KRT80: variants seen among roughly 807,000 people sequenced by gnomAD.
KRT80 encodes the protein keratin, type II cytoskeletal 80.
A neutral mutation model predicts 51.5 loss-of-function variants in KRT80; 36 were observed. The ratio of observed to expected loss-of-function variants is 0.70; its 90% CI spans 0.54 to 0.92. KRT80 has a LOEUF of 0.92. KRT80 is among the 40% of genes least tolerant of loss of function. The pLI, the probability that KRT80 is intolerant of heterozygous loss-of-function variation, is 0.00. For synonymous variants in KRT80, 235 were observed against 248.3 expected, an observed-to-expected ratio of 0.95 and a Z score of 0.50; for missense variants, 566 against 591.7, an observed-to-expected ratio of 0.96 and a Z score of 0.45.
intron 4 of KRT80, among the ~76,000 whole-genome samples, chr12:52,178,952 T>G (rs2120898513): frequency 6.6e-6 from 1 of 152,146 alleles, no homozygotes; most frequent in South Asian, 2.1e-4. Flanking sequence ...GCCTGGCTAC[T>G]GGGGCAGGGG....
rs1159662912 is a variant in KRT80 at position 52,171,118 on chromosome 12, C to G, written c.*280G>C. On this transcript the variant is annotated 3_prime_UTR_variant, in exon 9 of 9. Transcript: ENST00000394815. The stretch of plus-strand genomic sequence containing the variant: ...CGAGGAGGTGGAGACAAAACTGACC[C>G]CTAATTCCGACTCACCCATCAGGAA... 6 of 281,470 alleles carry G rather than the reference C, an allele frequency of 2.1e-5. No individual in the cohort carries two copies. Among genetic ancestry groups the G allele is most frequent in the Non-Finnish European group, 3.3e-5 (5 of 151,058 alleles). 17.4% of individuals were successfully genotyped at this position (281,470 alleles called of 1,614,324 possible). A position where few individuals can be genotyped will look rare whatever the true frequency, so the allele number is the denominator to read the frequency against.
chr12:52,187,526 C>A (rs970431966), intron 1 of KRT80, among the ~76,000 whole-genome samples: 2 of 152,156 alleles, frequency 1.3e-5, no homozygotes, highest in Non-Finnish European at 2.9e-5. Flanking sequence ...TCAGGGTGTC[C>A]TTGTTTTTCC....
chr12:52,171,721 T>C lies in KRT80; in HGVS notation c.1179-8A>G. ...GCTGAGGGCGAGTCCATCCTGGGGG[T>C]GGGGGACGGGGGGGTGGGAGAGGGA... On this transcript the variant is annotated splice_polypyrimidine_tract_variant and splice_region_variant and intron_variant, in intron 7 of 8. Transcript: ENST00000394815. The C allele has an allele frequency of 1.1e-5, 1 of 89,676 alleles. No individual in the cohort carries two copies. The highest frequency in any genetic ancestry group is 2.3e-5 in the Non-Finnish European group (1 of 43,006). The allele number at this position is 89,676 out of a possible 1,614,324, so 5.6% of individuals were successfully genotyped here.
chr12:52,180,937 G>A lies in KRT80; in HGVS notation c.536C>T (p.Thr179Ile). Reference sequence around the variant, plus strand: ...CTGAACAAAGGTGAACTCCATGTCTGTGCGCTTGGAGATCTCATCCTCATA... The same window carrying A: ...CTGAACAAAGGTGAACTCCATGTCTATGCGCTTGGAGATCTCATCCTCATA... ...IRYEDEISKR[T>I]DMEFTFVQLK... The change falls in exon 3 of 9, where the codon ACA becomes ATA. Residue 179 changes from threonine to isoleucine, a missense_variant. By Grantham distance (89) the Thr-to-Ile change is moderately conservative (BLOSUM62 -1). Coordinates refer to ENST00000394815, the MANE Select transcript of KRT80 (RefSeq NM_182507.3). 3 of 1,542,014 alleles carry A rather than the reference G, an allele frequency of 1.9e-6. No homozygotes were observed. Among genetic ancestry groups the A allele is most frequent in the African/African-American group, 1.4e-5 (1 of 72,262 alleles).
intron 2 of KRT80, 138 bp downstream of exon 2, chr12:52,185,241 G>A: frequency 1.2e-6 from 1 of 838,940 alleles, no homozygotes; most frequent in South Asian, 1.7e-5. Flanking sequence ...GCACATACCA[G>A]TCCCTCAATA....
rs780152058 is a variant in KRT80, at chr12:52,170,499, G to C, written c.*899C>G. On this transcript the variant is annotated 3_prime_UTR_variant, in exon 9 of 9. Coordinates refer to ENST00000394815, the MANE Select transcript of KRT80 (RefSeq NM_182507.3). ...TCCAAGGCCTGGTGCACCAAAGCCC[G>C]GTGCTCAGGCTGGGAACAACCCGGC... 6.6e-6 allele frequency: 1 copy of C among 152,252 alleles called. No individual in the cohort carries two copies. 9.4% of individuals were successfully genotyped at this position (152,252 alleles called of 1,614,324 possible).
chr12:52,191,336 G>A (rs558034421), intron 1 of KRT80, among the ~76,000 whole-genome samples: 1 of 152,286 alleles, frequency 6.6e-6, no homozygotes, highest in East Asian at 1.9e-4. Flanking sequence ...TGGGTGGTGG[G>A]TGACCCCAGG....
At chr12:52,177,915 A>G (rs1941259010) in intron 4 of KRT80, among the ~76,000 whole-genome samples, 1 of 152,082 alleles carries the variant, frequency 6.6e-6, no homozygotes, top group Non-Finnish European at 1.5e-5. Flanking sequence ...TTTTTGATAT[A>G]TTGGGCTAAA....
intron 2 of KRT80, among the ~76,000 whole-genome samples, chr12:52,183,734 C>T (rs1010908901): frequency 1.3e-5 from 2 of 152,270 alleles, no homozygotes; most frequent in Admixed American, 1.3e-4. Flanking sequence ...TGGACGTGAT[C>T]TGGCGGAGCT....
intron 1 of KRT80, among the ~76,000 whole-genome samples, chr12:52,187,369 G>T (rs1413388735): frequency 1.3e-5 from 2 of 152,224 alleles, no homozygotes; most frequent in African/African-American, 2.4e-5. Flanking sequence ...GAGGCCAGGG[G>T]TGTCAAGTGA....
At chr12:52,186,121 C>T (rs970755592) in intron 1 of KRT80, among the ~76,000 whole-genome samples, 17 of 152,106 alleles carry the variant, frequency 1.1e-4, no homozygotes, top group African/African-American at 2.7e-4. Context: ...CCTGCCTGCG[C>T]GGTCCTCTCC....
chr12:52,176,482 CTTTT>C (rs11355892), intron 4 of KRT80, among the ~76,000 whole-genome samples: 1 of 140,610 alleles, frequency 7.1e-6, no homozygotes, highest in Non-Finnish European at 1.5e-5. Context: ...TCTTCTTCTT[CTTTT>C]TTTTTTTTTT....
rs377452540 is a variant in KRT80 at position 52,180,533 on chromosome 12, T to C, written c.646A>G (p.Met216Val). ...LKSLESFVEL[M>V]KTIYEQELKD... is the part of the protein sequence containing the mutation. ...CTCACCTGCTCATAGATGGTTTTCA[T>C]CAACTCCACGAAGCTCTCCAGGCTT... The change falls in exon 4 of 9, where the codon ATG becomes GTG. Residue 216 changes from methionine (M) to valine (V), a missense_variant. By Grantham distance (21) the Met-to-Val change is conservative. Coordinates refer to ENST00000394815, the MANE Select transcript of KRT80 (RefSeq NM_182507.3). The C allele has an allele frequency of 6.8e-6, 10 of 1,472,118 alleles. No individual in the cohort carries two copies. The highest frequency in any genetic ancestry group is 1.8e-4 in the Middle Eastern group (1 of 5,468). 91.2% of individuals were successfully genotyped at this position (1,472,118 alleles called of 1,614,324 possible). A position where few individuals can be genotyped will look rare whatever the true frequency, so the allele number is the denominator to read the frequency against.
At chr12:52,176,353 C>T (rs546022825) in intron 4 of KRT80, among the ~76,000 whole-genome samples, 9 of 152,186 alleles carry the variant, frequency 5.9e-5, no homozygotes, top group Non-Finnish European at 8.8e-5. Context: ...GGCTGCTGTG[C>T]GTGTGAGCAC....
intron 2 of KRT80, among the ~76,000 whole-genome samples, chr12:52,182,264 A>G (rs777777077): frequency 2.0e-5 from 3 of 152,144 alleles, no homozygotes; most frequent in Non-Finnish European, 4.4e-5. Context: ...GTGGGGAATA[A>G]CAGGTGCTGA....
rs771645361 is a variant in KRT80, at chr12:52,180,885, G to A, written c.570+18C>T. The stretch of plus-strand genomic sequence containing the variant: ...GGCCCATGAGGAAGGAGCCCCTGGG[G>A]CAGGCTGGGCAGGCTACCTTCTTCA... On this transcript the variant is annotated intron_variant, in intron 3 of 8. Transcript: ENST00000394815. 3.1e-6 allele frequency: 5 copies of A among 1,597,610 alleles called. No individual in the cohort carries two copies. In the Admixed American group the frequency reaches 9.1e-5, roughly 29 times the overall value.
At chr12:52,172,445 G>T in intron 6 of KRT80, 27 bp from the exon 7 acceptor site, 1 of 1,591,976 alleles carries the variant, frequency 6.3e-7, no homozygotes, top group Non-Finnish European at 8.6e-7. Flanking sequence ...AGAGTGAAAG[G>T]GCCTGTGAGC....
At chr12:52,188,473 G>A (rs919950439) in intron 1 of KRT80, among the ~76,000 whole-genome samples, 1 of 152,230 alleles carries the variant, frequency 6.6e-6, no homozygotes, top group African/African-American at 2.4e-5. Context: ...GGTCTTACAG[G>A]GGAGTGCCTC....
intron 4 of KRT80, among the ~76,000 whole-genome samples, chr12:52,177,396 A>G (rs920722749): frequency 3.3e-5 from 5 of 152,112 alleles, no homozygotes; most frequent in African/African-American, 1.2e-4. Context: ...AGCAGATTCC[A>G]CAGCTAATTT....
Sources: allele counts gnomAD v4.1 joint callset (sites outside exome capture counted in the v4.1 genomes callset), GRCh38; gene constraint gnomAD v4.1.1; transcripts MANE v1.5; gene names NCBI Gene and HGNC (gene_info 2026-07-23, HGNC 2026-07-21).